NOL4: variants seen among roughly 807,000 people sequenced by gnomAD.
NOL4 encodes nucleolar protein 4, also known as cancer/testis antigen 125.
Under a neutral mutation model 75.9 loss-of-function variants are expected in NOL4, and 17 were observed. That is an observed-to-expected ratio of 0.22 (90% CI 0.15 to 0.34). The LOEUF is 0.34. NOL4 is among the 10% of genes least tolerant of loss of function. The probability of loss-of-function intolerance (pLI) is 1.00; values close to 1 mark genes in which losing one functional copy is unlikely to be tolerated. For missense variants in NOL4, 614 were observed against 793.5 expected, an observed-to-expected ratio of 0.77 and a Z score of 2.72; for synonymous variants, 292 against 289.9, an observed-to-expected ratio of 1.01 and a Z score of -0.07.
intron 1 of NOL4, among the ~76,000 whole-genome samples, chr18:34,199,575 C>T (rs973438746): frequency 1.3e-5 from 2 of 151,800 alleles, no homozygotes; most frequent in African/African-American, 4.8e-5. Flanking sequence ...CAGCCCAAAC[C>T]ATAAAAGCCA....
chr18:33,874,004 G>A (rs915581214), intron 10 of NOL4, among the ~76,000 whole-genome samples: 1 of 151,842 alleles, frequency 6.6e-6, no homozygotes, highest in Non-Finnish European at 1.5e-5. Context: ...TAGTATGCAC[G>A]GGGATGAAGA....
intron 1 of NOL4, among the ~76,000 whole-genome samples, chr18:34,145,395 A>C (rs1568391283): frequency 6.6e-6 from 1 of 151,766 alleles, no homozygotes; most frequent in Non-Finnish European, 1.5e-5. Context: ...TTTACAAATA[A>C]AAGCAGTATG....
chr18:34,126,237 C>A (rs1328618931), intron 2 of NOL4, among the ~76,000 whole-genome samples: 2 of 152,068 alleles, frequency 1.3e-5, no homozygotes, highest in Non-Finnish European at 2.9e-5. Context: ...TATCATTATC[C>A]ACCATATAAA....
intron 6 of NOL4, among the ~76,000 whole-genome samples, chr18:34,004,312 G>A (rs1055010196): frequency 5.9e-5 from 9 of 151,938 alleles, no homozygotes; most frequent in Admixed American, 3.3e-4. Context: ...TCTCAAGCTC[G>A]CCCAAGGCTG....
intron 6 of NOL4, among the ~76,000 whole-genome samples, chr18:33,995,050 A>C (rs2073175697): frequency 6.6e-6 from 1 of 151,668 alleles, no homozygotes; most frequent in African/African-American, 2.4e-5. Context: ...AGAAATACAC[A>C]AACTACTGAA....
chr18:34,116,234 A>G (rs1471448664), intron 2 of NOL4, among the ~76,000 whole-genome samples: 2 of 152,118 alleles, frequency 1.3e-5, no homozygotes, highest in Admixed American at 6.6e-5. Flanking sequence ...CCACCTGCAG[A>G]AAGCTCAATG....
intron 9 of NOL4, among the ~76,000 whole-genome samples, chr18:33,883,892 G>A (rs889433420): frequency 1.3e-5 from 2 of 152,072 alleles, no homozygotes; most frequent in African/African-American, 2.4e-5. Context: ...CACTTATAAG[G>A]TATCAAAAGT....
intron 5 of NOL4, among the ~76,000 whole-genome samples, chr18:34,031,989 C>T (rs1041828846): frequency 1.3e-5 from 2 of 152,330 alleles, no homozygotes. Context: ...TTTTCGAGTG[C>T]CAGTGGCAAC....
intron 6 of NOL4, among the ~76,000 whole-genome samples, chr18:33,965,301 C>T (rs1399317005): frequency 2.0e-5 from 3 of 152,062 alleles, no homozygotes; most frequent in Admixed American, 1.3e-4. Flanking sequence ...ATAGTGAGAC[C>T]TCCATCCCTA....
At chr18:34,035,220 A>G (rs1232925632) in intron 5 of NOL4, among the ~76,000 whole-genome samples, 2 of 152,208 alleles carry the variant, frequency 1.3e-5, no homozygotes, top group Non-Finnish European at 2.9e-5. Flanking sequence ...TTAGGCCACA[A>G]AGCAAGTCTA....
At chr18:34,092,888 A>T (rs2078593587) in intron 5 of NOL4, among the ~76,000 whole-genome samples, 1 of 152,212 alleles carries the variant, frequency 6.6e-6, no homozygotes, top group Non-Finnish European at 1.5e-5. Flanking sequence ...TCCTATCAAG[A>T]ATAGGCTGAT....
intron 1 of NOL4, among the ~76,000 whole-genome samples, chr18:34,166,008 T>C (rs916124898): frequency 1.3e-5 from 2 of 152,090 alleles, no homozygotes; most frequent in African/African-American, 4.8e-5. Context: ...TTACAAAATA[T>C]GTCTTTCCAA....
At chr18:34,099,792 C>G (rs569881238) in intron 4 of NOL4, among the ~76,000 whole-genome samples, 4 of 152,092 alleles carry the variant, frequency 2.6e-5, no homozygotes, top group African/African-American at 9.7e-5. Context: ...TAATCATACC[C>G]TTATATAACA....
intron 1 of NOL4, among the ~76,000 whole-genome samples, chr18:34,197,137 T>C (rs191011588): frequency 7.2e-5 from 11 of 152,142 alleles, no homozygotes; most frequent in Admixed American, 4.6e-4. Flanking sequence ...ATATATAACA[T>C]GGGAATTAAG....
chr18:33,888,860 C>G (rs1040520888), intron 9 of NOL4, among the ~76,000 whole-genome samples: 2 of 152,046 alleles, frequency 1.3e-5, no homozygotes, highest in Non-Finnish European at 1.5e-5. Flanking sequence ...CATTTTGCCT[C>G]CAGCTTTGTT....
intron 5 of NOL4, among the ~76,000 whole-genome samples, chr18:34,049,072 GCGCACACACACACACACACACACA>G (rs1283147847): frequency 7.9e-5 from 10 of 126,256 alleles, no homozygotes; most frequent in Admixed American, 5.9e-4. Context: ...ATACAGGCGC[GCGCACACACACACACACACACACA>G]CACACACACA....
intron 5 of NOL4, among the ~76,000 whole-genome samples, chr18:34,052,477 G>C (rs2076665510): frequency 6.6e-6 from 1 of 151,998 alleles, no homozygotes; most frequent in Non-Finnish European, 1.5e-5. Flanking sequence ...AGGAAAATGT[G>C]TTAAACACAA....
At chr18:34,050,894 C>A (rs908291629) in intron 5 of NOL4, among the ~76,000 whole-genome samples, 2 of 151,952 alleles carry the variant, frequency 1.3e-5, no homozygotes, top group African/African-American at 4.8e-5. Flanking sequence ...GAGTTGAGAA[C>A]AATTTTTTTC....
At chr18:34,134,211 G>C (rs866308758) in intron 1 of NOL4, among the ~76,000 whole-genome samples, 5 of 151,918 alleles carry the variant, frequency 3.3e-5, no homozygotes, top group Admixed American at 6.6e-5. Flanking sequence ...AAAAAAGTGG[G>C]AAAAATATAG....
Sources: gnomAD v4.1 joint callset for allele counts (sites outside exome capture counted in the v4.1 genomes callset) on GRCh38, gnomAD v4.1.1 for gene constraint, MANE v1.5 for transcripts, NCBI Gene and HGNC (gene_info 2026-07-23, HGNC 2026-07-21) for gene names.